Variants in TP53BP1 observed in about 807,000 individuals in gnomAD.
TP53BP1 encodes the protein TP53-binding protein 1.
In TP53BP1, 61 loss-of-function variants were observed where a neutral mutation model predicts 200.8. That is an observed-to-expected ratio of 0.30 (90% CI 0.25 to 0.38). The LOEUF is 0.38. Ranked by LOEUF, TP53BP1 falls within the 10% of genes least tolerant of loss-of-function variation. The pLI, the probability that TP53BP1 is intolerant of heterozygous loss-of-function variation, is 1.00. For synonymous variants in TP53BP1, 822 were observed against 844.3 expected, an observed-to-expected ratio of 0.97 and a Z score of 0.46; for missense variants, 2,144 against 2,371.9, an observed-to-expected ratio of 0.90 and a Z score of 2.00.
chr15:43,483,271 C>CACACACAG (rs60263686), intron 4 of TP53BP1, among the ~76,000 whole-genome samples: 1 of 150,574 alleles, frequency 6.6e-6, no homozygotes, highest in East Asian at 2.0e-4. Context: ...CACACACACA[C>CACACACAG]AGAACAAATG....
Position 43,416,385 on chromosome 15 carries a change from C to T in TP53BP1, c.4713G>A (p.Gly1571=), listed in dbSNP as rs374794234. ...CTTTTTCAATGCTGTAGTACAGTTCCCCAGACTCCTTCCTATGTCCTTTCA... is the reference window on the plus strand; with the variant it reads ...CTTTTTCAATGCTGTAGTACAGTTCTCCAGACTCCTTCCTATGTCCTTTCA... ...GVVKGHRKES[G]ELYYSIEKEG... is the part of the protein sequence containing the mutation. Residue 1571 remains glycine, a synonymous_variant, in exon 22 of 28, where the codon GGG becomes GGA. Coordinates refer to ENST00000382044, the MANE Select transcript of TP53BP1 (RefSeq NM_001141980.3). 6.2e-7 allele frequency: 1 copy of T among 1,613,996 alleles called. No homozygotes were observed. Among genetic ancestry groups the T allele is most frequent in the African/African-American group, 1.3e-5 (1 of 74,906 alleles).
At chr15:43,470,444 G>A (rs1420779574) in intron 10 of TP53BP1, among the ~76,000 whole-genome samples, 1 of 152,114 alleles carries the variant, frequency 6.6e-6, no homozygotes, top group African/African-American at 2.4e-5. Context: ...TTCTACCACA[G>A]GCCTTGAAAG....
At chr15:43,454,098 G>A (rs981126128) in intron 12 of TP53BP1, among the ~76,000 whole-genome samples, 1 of 151,390 alleles carries the variant, frequency 6.6e-6, no homozygotes. Flanking sequence ...CCAGCTACTC[G>A]AGAGGCTGAG....
chr15:43,446,701 T>C (rs1244088212), intron 13 of TP53BP1, 111 bp from the exon 14 acceptor site: 2 of 1,541,494 alleles, frequency 1.3e-6, no homozygotes, highest in South Asian at 1.3e-5. Flanking sequence ...CTCTGCAGGA[T>C]TGAAGGAGGT....
rs144395312 is a variant in TP53BP1 at position 43,403,911 on chromosome 15, C to T, written c.*3472G>A. 3.7e-5 allele frequency: 27 copies of T among 729,454 alleles called. No individual in the cohort carries two copies. Among genetic ancestry groups the T allele is most frequent in the African/African-American group, 2.1e-4 (12 of 57,406 alleles). 45.2% of individuals were successfully genotyped at this position (729,454 alleles called of 1,614,324 possible). A position where few individuals can be genotyped will look rare whatever the true frequency, so the allele number is the denominator to read the frequency against. The stretch of plus-strand genomic sequence containing the variant: ...GTAAAGCATTTCCTCAATACACACA[C>T]GTACAGAGATAAGATACAAAGATAA... On this transcript the variant is annotated 3_prime_UTR_variant, in exon 28 of 28. Transcript: ENST00000382044.
Position 43,457,870 on chromosome 15 carries a change from T to C in TP53BP1, c.1390-652A>G, listed in dbSNP as rs116907097. On this transcript the variant is annotated intron_variant, in intron 11 of 27. Transcript: ENST00000382044. Reference sequence around the variant, plus strand: ...CCTGTCTCTACCAAAAATACAAGAATTAGCCGGGTGGGGTGGTGCATGGCT... The same window carrying C: ...CCTGTCTCTACCAAAAATACAAGAACTAGCCGGGTGGGGTGGTGCATGGCT... Among the ~76,000 whole-genome samples the C allele has an allele frequency of 3.0e-3, 451 of 151,042 alleles. 14 individuals are homozygous for C. In the East Asian group the frequency reaches 0.075, roughly 25 times the overall value.
chr15:43,468,657 TGCAG>T (rs1184587867), intron 11 of TP53BP1, among the ~76,000 whole-genome samples: 14 of 109,508 alleles, frequency 1.3e-4, no homozygotes, highest in African/African-American at 1.2e-3. Flanking sequence ...TACCCTTATA[TGCAG>T]TACCAAGTGC....
At chr15:43,416,978 T>A (rs1192160483) in intron 21 of TP53BP1, 1 of 152,244 alleles carries the variant, frequency 6.6e-6, no homozygotes, top group African/African-American at 2.4e-5. Flanking sequence ...CAAAACCTGA[T>A]AAGGCCTTTA....
At chr15:43,502,517 C>G (rs928568595) in intron 1 of TP53BP1, among the ~76,000 whole-genome samples, 6 of 151,406 alleles carry the variant, frequency 4.0e-5, no homozygotes, top group Non-Finnish European at 7.4e-5. Context: ...TGCAGTAGCG[C>G]GATCTTGGCT....
At chr15:43,455,854 T>C in intron 12 of TP53BP1, 38 bp downstream of exon 12, 2 of 1,605,274 alleles carry the variant, frequency 1.2e-6, no homozygotes, top group Non-Finnish European at 1.7e-6. Flanking sequence ...CAGATTATAA[T>C]TTAGGTGGAG....
intron 18 of TP53BP1, among the ~76,000 whole-genome samples, chr15:43,422,943 G>A (rs796923892): frequency 4.0e-5 from 6 of 151,742 alleles, no homozygotes; most frequent in African/African-American, 9.7e-5. Flanking sequence ...GCAGTGAGCC[G>A]GGATCATGCC....
At position 43,404,904 on chromosome 15, in the gene TP53BP1, G is replaced by T; in HGVS notation, c.*2479C>A. 1 of 499,850 alleles carries T rather than the reference G, an allele frequency of 2.0e-6. No homozygotes were observed. The allele number at this position is 499,850 out of a possible 1,614,324, so 31.0% of individuals were successfully genotyped here. A position where few individuals can be genotyped will look rare whatever the true frequency, so the allele number is the denominator to read the frequency against. ...GCTGGTCCCTAGCTTCCGCATCTGT[G>T]AAAGGAGGCGACCACCCCTTCTAAC... On this transcript the variant is annotated 3_prime_UTR_variant, in exon 28 of 28. Coordinates refer to ENST00000382044, the MANE Select transcript of TP53BP1 (RefSeq NM_001141980.3).
At chr15:43,460,455 C>T (rs920873284) in intron 11 of TP53BP1, among the ~76,000 whole-genome samples, 1 of 152,002 alleles carries the variant, frequency 6.6e-6, no homozygotes, top group African/African-American at 2.4e-5. Flanking sequence ...GAGAGGGTCT[C>T]ATTTTGTTGC....
intron 15 of TP53BP1, 110 bp downstream of exon 15, chr15:43,441,410 TGAAAGA>T (rs2045922407): frequency 1.3e-6 from 1 of 750,414 alleles, no homozygotes; most frequent in African/African-American, 1.7e-5. Flanking sequence ...AAATCCTTTA[TGAAAGA>T]GTCTCATTTT....
At chr15:43,429,293 A>C (rs549324250) in intron 17 of TP53BP1, among the ~76,000 whole-genome samples, 2 of 152,294 alleles carry the variant, frequency 1.3e-5, no homozygotes, top group African/African-American at 2.4e-5. Flanking sequence ...GGCTAAAAAA[A>C]AGTGCTAGAA....
At chr15:43,437,816 T>TA (rs1224990578) in intron 16 of TP53BP1, among the ~76,000 whole-genome samples, 1 of 152,222 alleles carries the variant, frequency 6.6e-6, no homozygotes, top group Non-Finnish European at 1.5e-5. Flanking sequence ...CAGTACATCT[T>TA]AGTCTGTTTT....
At position 43,479,803 on chromosome 15, in the gene TP53BP1, C is replaced by G; in HGVS notation, c.658+56G>C. ...AAACTTATCAAAGAAAAAATAACTA[C>G]CTCTAATATGGGAGAAAACACAACA... is the stretch of plus-strand genomic sequence containing the variant. On this transcript the variant is annotated intron_variant, in intron 6 of 27. Coordinates refer to ENST00000382044, the MANE Select transcript of TP53BP1 (RefSeq NM_001141980.3). 3 of 1,588,876 alleles carry G rather than the reference C, an allele frequency of 1.9e-6. No homozygotes were observed. The East Asian group carries it at 6.7e-5, about 36-fold the overall frequency.
rs146137807 is a variant in TP53BP1, at chr15:43,422,097, C to T, written c.3858G>A (p.Gln1286=). 237 of 1,614,144 alleles carry T rather than the reference C, an allele frequency of 1.5e-4. 1 individual carries two copies. In the African/African-American group the frequency reaches 2.8e-3, roughly 19 times the overall value. The change falls in exon 19 of 28, where the codon CAG becomes CAA. Residue 1286 remains glutamine (Q), a synonymous_variant. Coordinates refer to ENST00000382044, the MANE Select transcript of TP53BP1 (RefSeq NM_001141980.3). The stretch of plus-strand genomic sequence containing the variant: ...AAGGGGAAACTTCAGTTTCACACTC[C>T]TGACACTCTACAATTGGCTCTTCAG... ...EETEEPIVEC[Q]ECETEVSPSQ...
At position 43,479,444 on chromosome 15, in the gene TP53BP1, G is replaced by T. The variant is rs2078930563; in HGVS notation, c.741C>A (p.Pro247=). ...SSKDIPVTAQ[P]SKDVHVVKEQ... is the part of the protein sequence containing the mutation. ...CTTTTACAACATGTACATCCTTACTGGGCTGTGCTGTCACAGGGATGTCCT... is the reference window on the plus strand; with the variant it reads ...CTTTTACAACATGTACATCCTTACTTGGCTGTGCTGTCACAGGGATGTCCT... Residue 247 remains proline (P), a synonymous_variant, in exon 7 of 28, where the codon CCC becomes CCA. Transcript: ENST00000382044. 6.2e-7 allele frequency: 1 copy of T among 1,613,528 alleles called. No homozygotes were observed. The highest frequency in any genetic ancestry group is 8.5e-7 in the Non-Finnish European group (1 of 1,179,842).
Sources: allele counts gnomAD v4.1 joint callset (sites outside exome capture counted in the v4.1 genomes callset), GRCh38; gene constraint gnomAD v4.1.1; transcripts MANE v1.5; gene names NCBI Gene and HGNC (gene_info 2026-07-23, HGNC 2026-07-21).